ICA1L: variants seen among roughly 807,000 people sequenced by gnomAD.
The protein encoded by ICA1L is islet cell autoantigen 1 like, also known as islet cell autoantigen 1-like protein.
A neutral mutation model predicts 61.3 loss-of-function variants in ICA1L; 50 were observed. The ratio of observed to expected loss-of-function variants is 0.82; its 90% CI spans 0.65 to 1.03. The LOEUF (loss-of-function observed/expected upper bound fraction) is 1.03, where lower values mean the gene tolerates loss of function less well. ICA1L is among the 50% of genes least tolerant of loss of function. The pLI is 0.00. For missense variants in ICA1L, 508 were observed against 556.7 expected (o/e 0.91, Z 0.88); for synonymous variants, 161 against 191.3 (o/e 0.84, Z 1.31).
chr2:202,836,066 C>T (rs1248589019), intron 1 of ICA1L, among the ~76,000 whole-genome samples: 2 of 152,152 alleles, frequency 1.3e-5, no homozygotes, highest in East Asian at 1.9e-4. Context: ...TGAATGGAAG[C>T]GCTGAAAGTG....
Position 202,774,240 on chromosome 2 carries a change from T to G in ICA1L, c.*5293A>C. ...AAGGCGCGGGGCGGCTCCTGAGTCT[T>G]CTCGCTCCTGTCGGCCAAAGGCCGT... On this transcript the variant is annotated 3_prime_UTR_variant, in exon 13 of 13. Coordinates refer to ENST00000358299, the MANE Select transcript of ICA1L (RefSeq NM_001288622.3). 2 of 1,547,522 alleles carry G rather than the reference T, an allele frequency of 1.3e-6. No individual in the cohort carries two copies. Among genetic ancestry groups the G allele is most frequent in the Non-Finnish European group, 1.7e-6 (2 of 1,145,874 alleles).
rs754616523 is a variant in ICA1L, at chr2:202,819,697, A to G, written c.558+4T>C. 1.9e-6 allele frequency: 3 copies of G among 1,607,168 alleles called. No individual in the cohort carries two copies. Among genetic ancestry groups the G allele is most frequent in the East Asian group, 2.2e-5 (1 of 44,856 alleles). On this transcript the variant is annotated splice_donor_region_variant and intron_variant, in intron 5 of 12. Transcript: ENST00000358299. ...AAGAAAAGGAAAGGGATACGTTTTC[A>G]TACTTTTCTAAACTTTTCCATTTGC...
At chr2:202,837,590 T>A (rs1694190877) in intron 1 of ICA1L, among the ~76,000 whole-genome samples, 1 of 152,090 alleles carries the variant, frequency 6.6e-6, no homozygotes, top group South Asian at 2.1e-4. Context: ...CAAAACCAGC[T>A]CTTCTTTTAA....
chr2:202,841,469 A>C (rs1694327384), intron 1 of ICA1L: 1 of 903,110 alleles, frequency 1.1e-6, no homozygotes, highest in South Asian at 1.3e-5. Context: ...TTGTCTATGG[A>C]GGAGGCAAAT....
chr2:202,812,216 A>G (rs1333675226), intron 8 of ICA1L, among the ~76,000 whole-genome samples: 1 of 152,246 alleles, frequency 6.6e-6, no homozygotes, highest in Admixed American at 6.5e-5. Flanking sequence ...GTTAGCCTAA[A>G]ATATCCTTAA....
At chr2:202,826,717 G>C (rs1225471095) in intron 2 of ICA1L, among the ~76,000 whole-genome samples, 1 of 151,640 alleles carries the variant, frequency 6.6e-6, no homozygotes, top group Non-Finnish European at 1.5e-5. Flanking sequence ...TGATCCACCT[G>C]CCTCAGCCTC....
In ICA1L at chr2:202,811,694, A is replaced by C. The variant is rs1426344424; in HGVS notation, c.910+52T>G. 4 of 1,203,134 alleles carry C rather than the reference A, an allele frequency of 3.3e-6. No homozygotes were observed. In the South Asian group the frequency reaches 5.3e-5, roughly 16 times the overall value. 74.5% of individuals were successfully genotyped at this position (1,203,134 alleles called of 1,614,324 possible). On this transcript the variant is annotated intron_variant, in intron 9 of 12. Coordinates refer to ENST00000358299, the MANE Select transcript of ICA1L (RefSeq NM_001288622.3). The stretch of plus-strand genomic sequence containing the variant: ...AAAAAAAAAAAGGCTGTGATAAACT[A>C]TTTTGACATTTAAAATGTGACCATT...
chr2:202,858,085 A>G (rs1174703936), intron 1 of ICA1L, among the ~76,000 whole-genome samples: 2 of 152,222 alleles, frequency 1.3e-5, no homozygotes, highest in Non-Finnish European at 2.9e-5. Flanking sequence ...ATCTAGAACC[A>G]GAAATACCAT....
intron 7 of ICA1L, among the ~76,000 whole-genome samples, chr2:202,815,146 AT>A (rs751550000): frequency 9.2e-5 from 14 of 152,248 alleles, no homozygotes; most frequent in East Asian, 5.8e-4. Context: ...TGGATATAAA[AT>A]TTGCCTAAAT....
Position 202,778,802 on chromosome 2 carries a change from A to AAGAT in ICA1L, c.*727_*730dup, listed in dbSNP as rs775387079. 19 of 152,720 alleles carry AAGAT rather than the reference A, an allele frequency of 1.2e-4. No homozygotes were observed. In the East Asian group the frequency reaches 1.9e-3, roughly 15 times the overall value. 9.5% of individuals were successfully genotyped at this position (152,720 alleles called of 1,614,324 possible). The stretch of plus-strand genomic sequence containing the variant: ...TGCATTCTGAGTTTTAGGAGATGGG[A>AAGAT]AGATAGATTTTTCTGTTTCTGCAGA... On this transcript the variant is annotated 3_prime_UTR_variant, in exon 13 of 13. Coordinates refer to ENST00000358299, the MANE Select transcript of ICA1L (RefSeq NM_001288622.3).
chr2:202,863,300 A>C (rs9636329), intron 1 of ICA1L, among the ~76,000 whole-genome samples: 2 of 151,818 alleles, frequency 1.3e-5, no homozygotes, highest in African/African-American at 4.8e-5. Flanking sequence ...TCAATAAAAA[A>C]AGAAAAAAAG....
chr2:202,803,232 A>T lies in ICA1L; in HGVS notation c.911-6268T>A, dbSNP rs527651714. Among the ~76,000 whole-genome samples, 10 of 151,922 alleles carry T rather than the reference A, an allele frequency of 6.6e-5. No homozygotes were observed. The East Asian group carries it at 1.7e-3, about 27-fold the overall frequency. Reference sequence around the variant, plus strand: ...AGACCAGCCTGGCCAACATGGCCAGACCCCATCACTACTAAAAAATTAGCT... The same window carrying T: ...AGACCAGCCTGGCCAACATGGCCAGTCCCCATCACTACTAAAAAATTAGCT... On this transcript the variant is annotated intron_variant, in intron 9 of 12. Coordinates refer to ENST00000358299, the MANE Select transcript of ICA1L (RefSeq NM_001288622.3).
In ICA1L at chr2:202,821,491, A is replaced by T; in HGVS notation, c.236-10T>A. ...TCTTCCTCTGATATAACTAGGAAAAAAATTACAGTGTAGTTAATTGTTTCC... is the reference window on the plus strand; with the variant it reads ...TCTTCCTCTGATATAACTAGGAAAATAATTACAGTGTAGTTAATTGTTTCC... On this transcript the variant is annotated splice_polypyrimidine_tract_variant and intron_variant, in intron 3 of 12. Transcript: ENST00000358299. 6.3e-7 allele frequency: 1 copy of T among 1,592,080 alleles called. No individual in the cohort carries two copies.
intron 9 of ICA1L, among the ~76,000 whole-genome samples, chr2:202,809,712 C>T (rs1693321711): frequency 6.6e-6 from 1 of 151,838 alleles, no homozygotes; most frequent in Non-Finnish European, 1.5e-5. Flanking sequence ...TCATTTGAAC[C>T]CAGGAGGCAG....
chr2:202,836,761 T>C (rs749885834), intron 1 of ICA1L, among the ~76,000 whole-genome samples: 57 of 99,720 alleles, frequency 5.7e-4, no homozygotes, highest in Non-Finnish European at 6.6e-4. Context: ...TACCCATTTC[T>C]TTTAGGTTAT....
Position 202,773,515 on chromosome 2 carries a change from A to T in ICA1L, c.*6018T>A. 2 of 324,122 alleles carry T rather than the reference A, an allele frequency of 6.2e-6. No homozygotes were observed. The highest frequency in any genetic ancestry group is 1.1e-5 in the Non-Finnish European group (2 of 177,086). 20.1% of individuals were successfully genotyped at this position (324,122 alleles called of 1,614,324 possible). On this transcript the variant is annotated 3_prime_UTR_variant, in exon 13 of 13. Coordinates refer to ENST00000358299, the MANE Select transcript of ICA1L (RefSeq NM_001288622.3). ...GTCAAAATGTTTCTTCTGATAAAGCAGTTATGTCAGAGCCTTCAAAAAACA... is the reference window on the plus strand; with the variant it reads ...GTCAAAATGTTTCTTCTGATAAAGCTGTTATGTCAGAGCCTTCAAAAAACA...
At chr2:202,813,440 T>C (rs1041858587) in intron 8 of ICA1L, among the ~76,000 whole-genome samples, 2 of 152,186 alleles carry the variant, frequency 1.3e-5, no homozygotes, top group South Asian at 2.1e-4. Context: ...TGTGTTGCTA[T>C]AAGAGAATAC....
chr2:202,840,644 A>G, intron 1 of ICA1L: 1 of 584,694 alleles, frequency 1.7e-6, no homozygotes, highest in South Asian at 1.4e-5. Context: ...GGCCAGCCTG[A>G]TGTTCGTCAG....
At chr2:202,835,341 G>T (rs1381209119) in intron 1 of ICA1L, among the ~76,000 whole-genome samples, 1 of 150,986 alleles carries the variant, frequency 6.6e-6, no homozygotes, top group Non-Finnish European at 1.5e-5. Context: ...GAGTAGCTGG[G>T]ATTACAGGTG....
Sources: allele counts gnomAD v4.1 joint callset (sites outside exome capture counted in the v4.1 genomes callset), GRCh38; gene constraint gnomAD v4.1.1; transcripts MANE v1.5; gene names NCBI Gene and HGNC (gene_info 2026-07-23, HGNC 2026-07-21).